Variants in ZNF737 observed in about 807,000 individuals in gnomAD.
ZNF737 encodes zinc finger protein 102 (Y3).
Under a neutral mutation model 11.7 loss-of-function variants are expected in ZNF737, and 13 were observed. That is an observed-to-expected ratio of 1.11 (90% CI 0.73 to 1.77). ZNF737 has a LOEUF of 1.77. Among genes scored for constraint, ZNF737 ranks in the 40% most tolerant of loss-of-function variants. ZNF737 has a pLI of 0.00. For missense variants in ZNF737, 636 were observed against 638.0 expected, an observed-to-expected ratio of 1.00 and a Z score of 0.03; for synonymous variants, 217 against 216.2, an observed-to-expected ratio of 1.00 and a Z score of -0.03.
At chr19:20,554,418 A>G (rs1214506591) in intron 1 of ZNF737, among the ~76,000 whole-genome samples, 2 of 152,208 alleles carry the variant, frequency 1.3e-5, no homozygotes, top group Non-Finnish European at 2.9e-5. Context: ...AAAGAAAAAT[A>G]TGTAGAAAAA....
At position 20,545,922 on chromosome 19, in the gene ZNF737, G is replaced by T; in HGVS notation, c.281C>A (p.Ser94Tyr). 1.9e-6 allele frequency: 3 copies of T among 1,593,766 alleles called. No individual in the cohort carries two copies. Among genetic ancestry groups the T allele is most frequent in the Non-Finnish European group, 2.6e-6 (3 of 1,173,122 alleles). ...DLWPEQSIKD[S>Y]FQKVTLRRYE... The stretch of plus-strand genomic sequence containing the variant: ...TCTTCTCAGTGTCACTTTTTGGAAA[G>T]AATCTTTTATGCTCTGCTCTGGCCA... Residue 94 changes from serine to tyrosine, a missense_variant, in exon 4 of 4, where the codon TCT becomes TAT. Transcript: ENST00000427401.
chr19:20,555,174 TTTC>T (rs1415693010), intron 1 of ZNF737, among the ~76,000 whole-genome samples: 2 of 103,770 alleles, frequency 1.9e-5, no homozygotes, highest in African/African-American at 8.2e-5. Flanking sequence ...AAATAAGGAA[TTTC>T]TTTTCTTTTC....
Position 20,544,480 on chromosome 19 carries a change from A to T in ZNF737, c.*112T>A, listed in dbSNP as rs1968345152. 3 of 1,518,866 alleles carry T rather than the reference A, an allele frequency of 2.0e-6. No individual in the cohort carries two copies. The highest frequency in any genetic ancestry group is 2.6e-6 in the Non-Finnish European group (3 of 1,141,946). 94.1% of individuals were successfully genotyped at this position (1,518,866 alleles called of 1,614,324 possible). A position where few individuals can be genotyped will look rare whatever the true frequency, so the allele number is the denominator to read the frequency against. ...AATGTCTACTAAGGTTTGAGGATGA[A>T]ATAAAGGCTTTGCCACATTTATCAC... On this transcript the variant is annotated 3_prime_UTR_variant, in exon 4 of 4. Coordinates refer to ENST00000427401, the MANE Select transcript of ZNF737 (RefSeq NM_001159293.2).
intron 1 of ZNF737, among the ~76,000 whole-genome samples, chr19:20,555,466 G>A (rs1185478829): frequency 2.0e-5 from 3 of 152,200 alleles, no homozygotes; most frequent in Non-Finnish European, 4.4e-5. Context: ...ACAGGCATGA[G>A]CCACTGCACC....
In ZNF737 at chr19:20,545,459, C is replaced by G; in HGVS notation, c.744G>C (p.Lys248Asn). 6.2e-7 allele frequency: 1 copy of G among 1,613,754 alleles called. No individual in the cohort carries two copies. The highest frequency in any genetic ancestry group is 8.5e-7 in the Non-Finnish European group (1 of 1,179,888). Residue 248 changes from lysine to asparagine, a missense_variant, in exon 4 of 4, where the codon AAG (lysine) becomes AAC (asparagine). Coordinates refer to ENST00000427401, the MANE Select transcript of ZNF737 (RefSeq NM_001159293.2). The part of the protein sequence containing the change: ...FSRFSYLTAH[K>N]IIHSGEKPYK... ...AGGGTTTCTCTCCACTATGAATTATCTTATGTGCAGTAAGGTATGAAAACC... is the reference window on the plus strand; with the variant it reads ...AGGGTTTCTCTCCACTATGAATTATGTTATGTGCAGTAAGGTATGAAAACC...
intron 1 of ZNF737, among the ~76,000 whole-genome samples, chr19:20,561,263 G>C (rs1969082842): frequency 6.6e-6 from 1 of 152,144 alleles, no homozygotes; most frequent in Admixed American, 6.5e-5. Context: ...GTGTCTGGGG[G>C]TGGGGATACG....
At chr19:20,530,546 T>C in the ZNF737 span, among the ~76,000 whole-genome samples, 1 of 135,074 alleles carries the variant, frequency 7.4e-6, no homozygotes, top group Non-Finnish European at 1.6e-5. Flanking sequence ...TCCTCACTTC[T>C]CAGATGGGGC....
the ZNF737 span, among the ~76,000 whole-genome samples, chr19:20,530,792 C>G: frequency 2.0e-5 from 3 of 147,482 alleles, no homozygotes; most frequent in Non-Finnish European, 4.5e-5. Flanking sequence ...GATGGGCGGC[C>G]AGGCAGAGAT....
At chr19:20,554,113 A>G (rs1339218929) in intron 1 of ZNF737, among the ~76,000 whole-genome samples, 3 of 152,216 alleles carry the variant, frequency 2.0e-5, no homozygotes, top group African/African-American at 4.8e-5. Flanking sequence ...TTTGAGTGCT[A>G]TGTTTACATC....
At chr19:20,535,584 G>A (rs1555753675), downstream of ZNF737, among the ~76,000 whole-genome samples, 1 of 149,690 alleles carries the variant, frequency 6.7e-6, no homozygotes, top group African/African-American at 2.5e-5. Flanking sequence ...GGAGTGCAGT[G>A]GCACCATCTC....
intron 3 of ZNF737, among the ~76,000 whole-genome samples, chr19:20,546,675 T>A (rs1844273575): frequency 6.6e-6 from 1 of 152,136 alleles, no homozygotes; most frequent in South Asian, 2.1e-4. Context: ...GGGCCAAAAG[T>A]TTGAGACCAG....
chr19:20,547,372 C>A, intron 3 of ZNF737, among the ~76,000 whole-genome samples: 1 of 135,558 alleles, frequency 7.4e-6, no homozygotes, highest in African/African-American at 2.9e-5. Flanking sequence ...CACAGCGAGA[C>A]TCCGTCTCAA....
chr19:20,545,601 A>T lies in ZNF737; in HGVS notation c.602T>A (p.Phe201Tyr), dbSNP rs200285971. Residue 201 changes from phenylalanine to tyrosine, a missense_variant, in exon 4 of 4, where the codon TTC becomes TAC. Phe to Tyr is a conservative substitution (Grantham distance 22). Coordinates refer to ENST00000427401, the MANE Select transcript of ZNF737 (RefSeq NM_001159293.2). Reference protein sequence around the residue: ...HKKIHTGEKPFKCEECGKAFN... With the variant: ...HKKIHTGEKPYKCEECGKAFN... The stretch of plus-strand genomic sequence containing the variant: ...GGCTTTGCCACATTCTTCACATTTG[A>T]AGGGTTTCTCCCCAGTATGAATTTT... 1,071 of 1,605,704 alleles carry T rather than the reference A, an allele frequency of 6.7e-4. 5 individuals are homozygous for T. Among genetic ancestry groups the T allele is most frequent in the Admixed American group, 3.1e-3 (181 of 58,578 alleles).
At chr19:20,558,409 G>C (rs1428184821) in intron 1 of ZNF737, among the ~76,000 whole-genome samples, 1 of 152,136 alleles carries the variant, frequency 6.6e-6, no homozygotes, top group Non-Finnish European at 1.5e-5. Context: ...ACACATCTAT[G>C]TATTGCACCA....
chr19:20,563,098 A>AT (rs1436641537), intron 1 of ZNF737, among the ~76,000 whole-genome samples: 2 of 124,814 alleles, frequency 1.6e-5, no homozygotes, highest in Non-Finnish European at 3.4e-5. Context: ...ATAAATTAAT[A>AT]TTTTTTATTT....
In ZNF737 at chr19:20,552,537, C is replaced by G. The variant is rs552502363; in HGVS notation, c.164G>C (p.Cys55Ser). The change falls in exon 3 of 4, where the codon TGT (cysteine) becomes TCT (serine). Residue 55 changes from cysteine to serine, a missense_variant. Physicochemically the swap from Cys to Ser is moderately radical, Grantham distance 112. Coordinates refer to ENST00000427401, the MANE Select transcript of ZNF737 (RefSeq NM_001159293.2). Reference protein sequence around the residue: ...IVVSKPDLITCLEQGKKPLTM... With the variant: ...IVVSKPDLITSLEQGKKPLTM... The stretch of plus-strand genomic sequence containing the variant: ...CAAAGGTTTTTTTCCTTGCTCCAGA[C>G]AGGTGATGAGGTCTGGCTTAGAGAC... The G allele has an allele frequency of 6.3e-7, 1 of 1,594,602 alleles. No individual in the cohort carries two copies. The highest frequency in any genetic ancestry group is 1.1e-5 in the South Asian group (1 of 87,190).
chr19:20,532,997 C>T (rs1177149293), downstream of ZNF737, among the ~76,000 whole-genome samples: 3 of 150,088 alleles, frequency 2.0e-5, no homozygotes, highest in African/African-American at 7.4e-5. Context: ...GAAATAAATA[C>T]AGTTCTTGTC....
chr19:20,536,085 A>G (rs1369454597), downstream of ZNF737: 47 of 985,106 alleles, frequency 4.8e-5, no homozygotes, highest in African/African-American at 1.0e-4. Flanking sequence ...CTATTATTCA[A>G]TGTGGATACA....
chr19:20,555,675 G>GT (rs1249628560), intron 1 of ZNF737, among the ~76,000 whole-genome samples: 1 of 152,186 alleles, frequency 6.6e-6, no homozygotes, highest in Non-Finnish European at 1.5e-5. Flanking sequence ...TTTGACTATC[G>GT]TAAGAATTTT....
Sources: allele counts gnomAD v4.1 joint callset (sites outside exome capture counted in the v4.1 genomes callset), GRCh38; gene constraint gnomAD v4.1.1; transcripts MANE v1.5; gene names NCBI Gene and HGNC (gene_info 2026-07-23, HGNC 2026-07-21).